Variants in ATG7 observed in about 807,000 individuals in gnomAD.
ATG7 encodes the protein ubiquitin-like modifier-activating enzyme ATG7.
Under a neutral mutation model 82.4 loss-of-function variants are expected in ATG7, and 70 were observed. The ratio of observed to expected loss-of-function variants is 0.85; its 90% confidence interval spans 0.70 to 1.04. The LOEUF (loss-of-function observed/expected upper bound fraction) is 1.04, where lower values mean the gene tolerates loss of function less well. Ranked by LOEUF, ATG7 falls within the 50% of genes least tolerant of loss-of-function variation. The pLI, the probability that ATG7 is intolerant of heterozygous loss-of-function variation, is 0.00. For synonymous variants in ATG7, 287 were observed against 313.0 expected, an observed-to-expected ratio of 0.92 and a Z score of 0.88; for missense variants, 792 against 864.3, an observed-to-expected ratio of 0.92 and a Z score of 1.05.
At chr3:11,417,962 C>T (rs112378581) in intron 19 of ATG7, among the ~76,000 whole-genome samples, 5,797 of 151,542 alleles carry the variant, frequency 0.038, 119 homozygotes, top group African/African-American at 0.051. Flanking sequence ...CACCCACCAC[C>T]ATTCTTGGCT....
chr3:11,436,545 A>ATG (rs971482755), intron 20 of ATG7, among the ~76,000 whole-genome samples: 5 of 152,094 alleles, frequency 3.3e-5, no homozygotes, highest in Admixed American at 6.6e-5. Context: ...AAAATTGTAT[A>ATG]TGTGTGTGTG....
At chr3:11,411,619 C>CCAAAAAAA (rs2080905659) in intron 19 of ATG7, among the ~76,000 whole-genome samples, 3 of 71,766 alleles carry the variant, frequency 4.2e-5, no homozygotes, top group Non-Finnish European at 8.8e-5. Context: ...ACTCTGTCTC[C>CCAAAAAAA]AAAAAAAAAA....
At chr3:11,466,384 G>A (rs1356234997) in intron 20 of ATG7, among the ~76,000 whole-genome samples, 1 of 152,210 alleles carries the variant, frequency 6.6e-6, no homozygotes, top group Non-Finnish European at 1.5e-5. Context: ...TTGGTTTTGT[G>A]TCCACGTCAT....
At chr3:11,273,806 G>T (rs1941061966) in intron 1 of ATG7, among the ~76,000 whole-genome samples, 1 of 152,160 alleles carries the variant, frequency 6.6e-6, no homozygotes, top group South Asian at 2.1e-4. Context: ...GTCAGTAAGG[G>T]TTGGTAGGTG....
chr3:11,571,051 C>T, the ATG7 span, among the ~76,000 whole-genome samples: 2 of 152,246 alleles, frequency 1.3e-5, no homozygotes, highest in East Asian at 1.9e-4. Context: ...GCCGAGGTGG[C>T]GGAGGCTGAG....
chr3:11,442,744 A>C (rs1245320652), intron 20 of ATG7, among the ~76,000 whole-genome samples: 2,198 of 129,332 alleles, frequency 0.017, 61 homozygotes, highest in Non-Finnish European at 0.027. Context: ...CTCTACAAAA[A>C]AAAAAAAAAA....
the ATG7 span, among the ~76,000 whole-genome samples, chr3:11,571,205 C>T: frequency 2.0e-5 from 3 of 152,144 alleles, no homozygotes; most frequent in Non-Finnish European, 2.9e-5. Context: ...TCCTCGCTGG[C>T]AGGGACACAG....
intron 20 of ATG7, among the ~76,000 whole-genome samples, chr3:11,527,636 G>T (rs1374081653): frequency 6.6e-6 from 1 of 152,174 alleles, no homozygotes; most frequent in African/African-American, 2.4e-5. Context: ...GAGTTACAAT[G>T]TATGCCCCAC....
intron 20 of ATG7, among the ~76,000 whole-genome samples, chr3:11,496,153 G>A (rs549469124): frequency 2.6e-5 from 4 of 152,258 alleles, no homozygotes; most frequent in Admixed American, 6.5e-5. Context: ...GGACGTTATC[G>A]CTCTTTAACT....
chr3:11,354,333 A>G (rs189251500), intron 14 of ATG7, among the ~76,000 whole-genome samples: 1 of 152,258 alleles, frequency 6.6e-6, no homozygotes. Context: ...TATAAATCAT[A>G]TAGCTATTTG....
chr3:11,433,016 GTA>G lies in ATG7; in HGVS notation c.2079+6091_2079+6092del, dbSNP rs2083047682. On this transcript the variant is annotated intron_variant, in intron 20 of 20. Transcript: ENST00000693202. ...TTTTAAATTGCTGCATTTGGGATGG[GTA>G]CAGTGGCTTACACCTGAAATCCCAG... Among the ~76,000 whole-genome samples, 4 of 152,214 alleles carry G rather than the reference GTA, an allele frequency of 2.6e-5. No individual in the cohort carries two copies. The South Asian group carries it at 6.2e-4, about 24-fold the overall frequency.
rs181614278 is a variant in ATG7, at chr3:11,505,817, G to A, written c.2080-48994G>A. On this transcript the variant is annotated intron_variant, in intron 20 of 20. Transcript: ENST00000693202. ...GTGGCTTAAGTGCTAGTCAGTGCTC[G>A]CCATTGGTCTTTTGCAGTCTTGTCA... is the stretch of plus-strand genomic sequence containing the variant. Among the ~76,000 whole-genome samples the A allele has an allele frequency of 3.9e-5, 6 of 152,292 alleles. No individual in the cohort carries two copies. The East Asian group carries it at 1.2e-3, about 29-fold the overall frequency.
intron 19 of ATG7, among the ~76,000 whole-genome samples, chr3:11,408,149 C>T (rs908852149): frequency 6.6e-6 from 1 of 152,228 alleles, no homozygotes; most frequent in African/African-American, 2.4e-5. Context: ...GAAATTTCTT[C>T]TGCCAGATAC....
intron 20 of ATG7, among the ~76,000 whole-genome samples, chr3:11,461,499 C>T (rs150272600): frequency 2.6e-5 from 4 of 152,302 alleles, no homozygotes; most frequent in East Asian, 3.9e-4. Flanking sequence ...TTCAAAACCT[C>T]GTTTTGCAGG....
intron 6 of ATG7, 172 bp from the exon 7 acceptor site, chr3:11,308,812 G>T: frequency 1.6e-6 from 1 of 643,216 alleles, no homozygotes; most frequent in South Asian, 1.8e-5. Context: ...CTGGGAGAGA[G>T]GCAGTGTGAA....
At chr3:11,319,064 C>T (rs896017936) in intron 9 of ATG7, among the ~76,000 whole-genome samples, 11 of 152,160 alleles carry the variant, frequency 7.2e-5, no homozygotes, top group African/African-American at 2.4e-4. Flanking sequence ...ACATTTAGTG[C>T]AATGCTGGAC....
At chr3:11,461,005 T>C (rs1468804742) in intron 20 of ATG7, among the ~76,000 whole-genome samples, 1 of 152,158 alleles carries the variant, frequency 6.6e-6, no homozygotes, top group Non-Finnish European at 1.5e-5. Flanking sequence ...AAGTCATCTT[T>C]TTGGAGTCTT....
At chr3:11,566,625 A>C in the ATG7 span, among the ~76,000 whole-genome samples, 1 of 152,166 alleles carries the variant, frequency 6.6e-6, no homozygotes, top group Admixed American at 6.5e-5. Flanking sequence ...TCCTCAAATA[A>C]GATGCGGCCA....
chr3:11,333,129 C>A (rs766820156), intron 11 of ATG7, 36 bp downstream of exon 11: 5 of 1,510,126 alleles, frequency 3.3e-6, no homozygotes, highest in Non-Finnish European at 4.4e-6. Context: ...ATATAATTAT[C>A]ATTTATCAGA....
Sources: allele counts gnomAD v4.1 joint callset (sites outside exome capture counted in the v4.1 genomes callset), GRCh38; gene constraint gnomAD v4.1.1; transcripts MANE v1.5; gene names NCBI Gene and HGNC (gene_info 2026-07-23, HGNC 2026-07-21).